The following PRKCE variants were observed in gnomAD, a reference collection of about 807,000 sequenced individuals.
PRKCE encodes protein kinase C epsilon, also known as protein kinase C epsilon type.
Under a neutral mutation model 85.4 loss-of-function variants are expected in PRKCE, and 16 were observed. That is an observed-to-expected ratio of 0.19 (90% CI 0.13 to 0.28). The LOEUF (loss-of-function observed/expected upper bound fraction) is 0.28. Among genes scored for constraint, PRKCE ranks in the 10% least tolerant of loss-of-function variants. The pLI, the probability that PRKCE is intolerant of heterozygous loss-of-function variation, is 1.00. For missense variants in PRKCE, 573 were observed against 975.2 expected (o/e 0.59, Z 5.49); for synonymous variants, 388 against 371.5 (o/e 1.04, Z -0.51).
chr2:45,772,910 C>T (rs993190406), intron 1 of PRKCE, among the ~76,000 whole-genome samples: 2 of 152,090 alleles, frequency 1.3e-5, no homozygotes, highest in African/African-American at 4.8e-5. Flanking sequence ...CCCTGTTTGT[C>T]ATTGTTTAGG....
chr2:45,885,846 G>A (rs1695257611), intron 2 of PRKCE, among the ~76,000 whole-genome samples: 1 of 152,228 alleles, frequency 6.6e-6, no homozygotes, highest in East Asian at 1.9e-4. Context: ...GTTGTGTGTA[G>A]GATAATTTAA....
chr2:46,142,902 G>C (rs1027652204), intron 11 of PRKCE, among the ~76,000 whole-genome samples: 1 of 152,198 alleles, frequency 6.6e-6, no homozygotes, highest in African/African-American at 2.4e-5. Flanking sequence ...TCCTTCCTCA[G>C]ACATAACAAA....
At chr2:46,016,457 ATTCTGT>A in intron 10 of PRKCE, among the ~76,000 whole-genome samples, 1 of 152,188 alleles carries the variant, frequency 6.6e-6, no homozygotes, top group Non-Finnish European at 1.5e-5. Flanking sequence ...AACAGGATTC[ATTCTGT>A]GTGATAAAGG....
chr2:46,049,826 C>T (rs193031751), intron 10 of PRKCE, among the ~76,000 whole-genome samples: 1 of 152,302 alleles, frequency 6.6e-6, no homozygotes, highest in East Asian at 1.9e-4. Context: ...TTGTGTTCTG[C>T]AGTTGATTTC....
chr2:45,918,825 A>G (rs1220994602), intron 2 of PRKCE, among the ~76,000 whole-genome samples: 2 of 152,120 alleles, frequency 1.3e-5, no homozygotes, highest in Admixed American at 6.5e-5. Flanking sequence ...ATATCCTACT[A>G]GTTTGTATTT....
intron 2 of PRKCE, among the ~76,000 whole-genome samples, chr2:45,892,636 A>G (rs900780993): frequency 2.6e-5 from 4 of 152,136 alleles, no homozygotes; most frequent in African/African-American, 9.7e-5. Context: ...CTGAGTGCCC[A>G]CCTGGTTTTA....
intron 1 of PRKCE, among the ~76,000 whole-genome samples, chr2:45,811,650 T>G (rs1010642474): frequency 3.3e-5 from 5 of 152,178 alleles, no homozygotes; most frequent in Non-Finnish European, 7.3e-5. Flanking sequence ...GAAGTTGATC[T>G]GAGGCCGGGA....
intron 10 of PRKCE, among the ~76,000 whole-genome samples, chr2:46,024,224 A>G (rs149401144): frequency 2.7e-4 from 41 of 152,240 alleles, no homozygotes; most frequent in African/African-American, 9.4e-4. Context: ...TAATTCTTTA[A>G]GGGTGGTATT....
At chr2:46,176,401 A>G (rs532951824) in intron 14 of PRKCE, among the ~76,000 whole-genome samples, 1 of 152,146 alleles carries the variant, frequency 6.6e-6, no homozygotes, top group Admixed American at 6.5e-5. Flanking sequence ...ACTGCTTGGT[A>G]AATTGGAAAT....
chr2:46,051,276 C>G (rs1248928168), intron 10 of PRKCE, among the ~76,000 whole-genome samples: 2 of 152,160 alleles, frequency 1.3e-5, no homozygotes, highest in Non-Finnish European at 2.9e-5. Flanking sequence ...GTAGTGGGCC[C>G]CTGGGCTGGT....
At chr2:45,860,187 A>G (rs1693033746) in intron 2 of PRKCE, among the ~76,000 whole-genome samples, 1 of 152,242 alleles carries the variant, frequency 6.6e-6, no homozygotes, top group South Asian at 2.1e-4. Context: ...CCTGGCATAC[A>G]GTACCTGCTC....
chr2:45,917,730 C>T (rs993694611), intron 2 of PRKCE, among the ~76,000 whole-genome samples: 10 of 152,198 alleles, frequency 6.6e-5, no homozygotes, highest in Non-Finnish European at 1.2e-4. Flanking sequence ...GGGCGGCGCT[C>T]GTCGGGGAGG....
intron 6 of PRKCE, among the ~76,000 whole-genome samples, chr2:45,989,043 C>G (rs1005878605): frequency 5.3e-5 from 8 of 152,196 alleles, no homozygotes; most frequent in African/African-American, 1.7e-4. Context: ...TGTCTCAGCA[C>G]AGCTGCTCTG....
At chr2:45,722,358 C>T (rs191390061) in intron 1 of PRKCE, among the ~76,000 whole-genome samples, 7 of 152,210 alleles carry the variant, frequency 4.6e-5, no homozygotes, top group East Asian at 1.9e-4. Context: ...TATCACATGT[C>T]ATGTAGCCTC....
At chr2:46,177,986 A>G (rs1679588916) in intron 14 of PRKCE, among the ~76,000 whole-genome samples, 1 of 152,214 alleles carries the variant, frequency 6.6e-6, no homozygotes, top group Admixed American at 6.5e-5. Context: ...ATGGCTGGGC[A>G]TGGTGGCTCA....
intron 2 of PRKCE, among the ~76,000 whole-genome samples, chr2:45,874,374 G>A (rs1694316505): frequency 6.6e-6 from 1 of 152,228 alleles, no homozygotes; most frequent in South Asian, 2.1e-4. Flanking sequence ...CTGAACTTGT[G>A]CCTGTCCTCT....
At chr2:45,861,330 CACTG>C (rs1693145341) in intron 2 of PRKCE, among the ~76,000 whole-genome samples, 2 of 152,158 alleles carry the variant, frequency 1.3e-5, no homozygotes, top group African/African-American at 4.8e-5. Context: ...GTTTATAACA[CACTG>C]AGTTATGCTG....
At chr2:46,043,104 G>T (rs866918901) in intron 10 of PRKCE, among the ~76,000 whole-genome samples, 1 of 149,908 alleles carries the variant, frequency 6.7e-6, no homozygotes, top group East Asian at 2.0e-4. Context: ...CAGAAAAACA[G>T]TTTTTTTTTT....
chr2:46,120,223 T>G (rs1346303320), intron 11 of PRKCE, among the ~76,000 whole-genome samples: 1 of 152,242 alleles, frequency 6.6e-6, no homozygotes, highest in East Asian at 1.9e-4. Flanking sequence ...AAAGTGGTTC[T>G]TGATGTTCCT....
Sources: allele counts gnomAD v4.1 joint callset (sites outside exome capture counted in the v4.1 genomes callset), GRCh38; gene constraint gnomAD v4.1.1; transcripts MANE v1.5; gene names NCBI Gene and HGNC (gene_info 2026-07-23, HGNC 2026-07-21).